ZNF567: variants seen among roughly 807,000 people sequenced by gnomAD.
ZNF567 encodes zinc finger protein 567.
In ZNF567, 36 loss-of-function variants were observed where a neutral mutation model predicts 53.9. The ratio of observed to expected loss-of-function variants is 0.67; its 90% CI spans 0.51 to 0.88. The LOEUF (loss-of-function observed/expected upper bound fraction) is 0.88, where lower values mean the gene tolerates loss of function less well. Among genes scored for constraint, ZNF567 ranks in the 40% least tolerant of loss-of-function variants. The pLI is 0.00. For missense variants in ZNF567, 619 were observed against 764.7 expected (o/e 0.81, Z 2.25); for synonymous variants, 224 against 260.4 (o/e 0.86, Z 1.35).
chr19:36,679,014 C>T, the ZNF567 span, among the ~76,000 whole-genome samples: 1 of 151,964 alleles, frequency 6.6e-6, no homozygotes, highest in African/African-American at 2.4e-5. Context: ...GGGCCGAGCG[C>T]GGTGGCTCAC....
At chr19:36,713,915 A>G (rs1236678142) in intron 5 of ZNF567, among the ~76,000 whole-genome samples, 1 of 152,206 alleles carries the variant, frequency 6.6e-6, no homozygotes, top group Non-Finnish European at 1.5e-5. Flanking sequence ...AGCCTGGGCA[A>G]CAGAGCAAGA....
rs1218362342 is a variant in ZNF567 at position 36,720,905 on chromosome 19, C to G, written c.*237C>G. ...AAGTCAACTGCTCTTCCTACTGACT[C>G]AAATAGTTTATTTTTTAAAAATACT... is the stretch of plus-strand genomic sequence containing the variant. On this transcript the variant is annotated 3_prime_UTR_variant, in exon 6 of 6. Coordinates refer to ENST00000682579, the MANE Select transcript of ZNF567 (RefSeq NM_001322917.1). 3.3e-6 allele frequency: 1 copy of G among 298,606 alleles called. No homozygotes were observed. Among genetic ancestry groups the G allele is most frequent in the African/African-American group, 2.2e-5 (1 of 45,508 alleles). The allele number at this position is 298,606 out of a possible 1,614,324, so 18.5% of individuals were successfully genotyped here.
chr19:36,718,783 C>T (rs1472967328), intron 5 of ZNF567, among the ~76,000 whole-genome samples, 165 bp from the exon 6 acceptor site: 1 of 152,160 alleles, frequency 6.6e-6, no homozygotes, highest in Non-Finnish European at 1.5e-5. Context: ...TCCTTTTCCA[C>T]TCTGAAGCAG....
intron 3 of ZNF567, 120 bp from the exon 4 acceptor site, chr19:36,712,248 ATCTTGGCCAGGGTGGTTT>A: frequency 1.3e-6 from 1 of 761,838 alleles, no homozygotes; most frequent in Non-Finnish European, 2.1e-6. Context: ...GGGTTTCACC[ATCTTGGCCAGGGTGGTTT>A]TTAACTCATG....
the ZNF567 span, among the ~76,000 whole-genome samples, chr19:36,679,152 G>C: frequency 6.6e-6 from 1 of 152,036 alleles, no homozygotes; most frequent in Non-Finnish European, 1.5e-5. Context: ...CAGGCATGGT[G>C]GTACGCACCT....
chr19:36,688,576 G>A (rs1238851553), intron 1 of ZNF567, among the ~76,000 whole-genome samples: 4 of 151,978 alleles, frequency 2.6e-5, no homozygotes, highest in Non-Finnish European at 4.4e-5. Context: ...GGAAGGCTGA[G>A]GCGGGCCGAT....
the ZNF567 span, among the ~76,000 whole-genome samples, chr19:36,670,141 A>C: frequency 6.6e-6 from 1 of 152,204 alleles, no homozygotes; most frequent in Non-Finnish European, 1.5e-5. Context: ...TACCAGTCAG[A>C]GTAGGGGCTT....
At chr19:36,709,500 T>TTCCCCC (rs1458539010) in intron 3 of ZNF567, among the ~76,000 whole-genome samples, 9 of 145,502 alleles carry the variant, frequency 6.2e-5, no homozygotes, top group African/African-American at 2.2e-4. Flanking sequence ...CCCCTTCCCC[T>TTCCCCC]TCCCCCACTC....
At chr19:36,690,147 G>T (rs989848662) in intron 2 of ZNF567, among the ~76,000 whole-genome samples, 1 of 152,110 alleles carries the variant, frequency 6.6e-6, no homozygotes, top group Admixed American at 6.5e-5. Context: ...ACTCAGGGTT[G>T]TTGGAAAAAA....
intron 2 of ZNF567, among the ~76,000 whole-genome samples, chr19:36,693,082 A>G (rs1347309680): frequency 6.6e-6 from 1 of 152,036 alleles, no homozygotes; most frequent in Admixed American, 6.6e-5. Flanking sequence ...GAGCCCAGGA[A>G]TTGGAGACTA....
At chr19:36,697,024 A>G (rs2038921828) in intron 3 of ZNF567, among the ~76,000 whole-genome samples, 2 of 152,204 alleles carry the variant, frequency 1.3e-5, no homozygotes, top group African/African-American at 4.8e-5. Context: ...CCTTAGAGGA[A>G]TGTATATAGA....
the ZNF567 span, among the ~76,000 whole-genome samples, chr19:36,682,115 A>T: frequency 2.6e-5 from 4 of 151,852 alleles, no homozygotes; most frequent in African/African-American, 9.7e-5. Flanking sequence ...ATCTCTATAA[A>T]TTTTTTAAAT....
intron 3 of ZNF567, chr19:36,703,641 C>T (rs572720849): frequency 1.2e-4 from 20 of 160,194 alleles, no homozygotes; most frequent in Middle Eastern, 2.9e-3. Flanking sequence ...ATGGAGGGCA[C>T]GTCTACCCCA....
chr19:36,713,646 T>C (rs1442648318), intron 5 of ZNF567, among the ~76,000 whole-genome samples: 1 of 150,166 alleles, frequency 6.7e-6, no homozygotes, highest in African/African-American at 2.5e-5. Context: ...TAAATATCAC[T>C]CTCTCCGGCT....
chr19:36,727,142 G>C (rs2040339109), downstream of ZNF567: 1 of 149,868 alleles, frequency 6.7e-6, no homozygotes, highest in Non-Finnish European at 1.5e-5. Flanking sequence ...TGCGATCTCG[G>C]CTGACTGCAA....
At position 36,688,806 on chromosome 19, in the gene ZNF567, CA is replaced by C. The variant is rs35120151; in HGVS notation, c.-167-577del. The stretch of plus-strand genomic sequence containing the variant: ...TGGGTGGCAGAGCAAGACTCCGTCT[CA>C]AAAAAAAAAAAAAGATTGGGCCCAT... On this transcript the variant is annotated intron_variant, in intron 1 of 5. Coordinates refer to ENST00000682579, the MANE Select transcript of ZNF567 (RefSeq NM_001322917.1). Among the ~76,000 whole-genome samples, 264 of 112,050 alleles carry C rather than the reference CA, an allele frequency of 2.4e-3. 1 individual carries two copies. Among genetic ancestry groups the C allele is most frequent in the Middle Eastern group, 7.1e-3 (1 of 140 alleles). The allele number at this position is 112,050 out of a possible 152,430, so 73.5% of individuals were successfully genotyped here.
chr19:36,670,195 C>A, the ZNF567 span, among the ~76,000 whole-genome samples: 1 of 152,018 alleles, frequency 6.6e-6, no homozygotes, highest in Non-Finnish European at 1.5e-5. Context: ...AGGTCTGTCT[C>A]ACAATGGGCA....
At chr19:36,707,915 T>C (rs768750198) in intron 3 of ZNF567, among the ~76,000 whole-genome samples, 11 of 152,056 alleles carry the variant, frequency 7.2e-5, no homozygotes, top group African/African-American at 9.6e-5. Context: ...GTTTTTCGTT[T>C]GTTTGTTTGA....
intron 3 of ZNF567, among the ~76,000 whole-genome samples, chr19:36,701,862 G>A (rs1311314418): frequency 8.8e-5 from 5 of 56,996 alleles, no homozygotes; most frequent in Admixed American, 1.9e-4. Context: ...ACACTGATGG[G>A]TCTTGACTCT....
Sources: gnomAD v4.1 joint callset for allele counts (sites outside exome capture counted in the v4.1 genomes callset) on GRCh38, gnomAD v4.1.1 for gene constraint, MANE v1.5 for transcripts, NCBI Gene and HGNC (gene_info 2026-07-23, HGNC 2026-07-21) for gene names.